The following PPP1R1C variants were observed in gnomAD, a reference collection of about 807,000 sequenced individuals.
PPP1R1C encodes the protein protein phosphatase 1 regulatory inhibitor subunit 1C.
PPP1R1C carries 15 observed loss-of-function variants against 17.4 expected under a neutral mutation model. The ratio of observed to expected loss-of-function variants is 0.86; its 90% CI spans 0.58 to 1.33. PPP1R1C has a LOEUF of 1.33. Ranked by LOEUF, PPP1R1C falls within the 40% of genes most tolerant of loss-of-function variation. The probability of loss-of-function intolerance (pLI) is 0.00; values close to 1 mark genes in which losing one functional copy is unlikely to be tolerated. For missense variants in PPP1R1C, 143 were observed against 130.0 expected, an observed-to-expected ratio of 1.10 and a Z score of -0.48; for synonymous variants, 35 against 43.1, an observed-to-expected ratio of 0.81 and a Z score of 0.73.
At chr2:182,106,906 G>A (rs151167483) in intron 4 of PPP1R1C, among the ~76,000 whole-genome samples, 2 of 152,236 alleles carry the variant, frequency 1.3e-5, no homozygotes, top group African/African-American at 4.8e-5. Flanking sequence ...GACACCAGAA[G>A]AAGCAAGCCA....
intron 4 of PPP1R1C, among the ~76,000 whole-genome samples, chr2:182,074,041 CTTTTT>C (rs554848749): frequency 7.6e-6 from 1 of 131,152 alleles, no homozygotes; most frequent in Non-Finnish European, 1.6e-5. Flanking sequence ...AATTCTTCTT[CTTTTT>C]TTTTTTTTTT....
intron 2 of PPP1R1C, among the ~76,000 whole-genome samples, chr2:182,052,053 C>G (rs922986288): frequency 4.0e-5 from 6 of 151,442 alleles, no homozygotes; most frequent in Non-Finnish European, 8.8e-5. Context: ...ATATTTTTGA[C>G]AAAATTATTA....
upstream of PPP1R1C, among the ~76,000 whole-genome samples, chr2:181,980,935 T>G (rs185866738): frequency 6.9e-3 from 1,036 of 151,024 alleles, 9 homozygotes; most frequent in African/African-American, 0.024. Context: ...AAGTTTTTTT[T>G]TTTTTTTTTT....
intron 2 of PPP1R1C, among the ~76,000 whole-genome samples, chr2:182,032,280 T>G (rs1436476252): frequency 2.0e-5 from 3 of 152,206 alleles, no homozygotes; most frequent in African/African-American, 7.2e-5. Flanking sequence ...TAGACGTGGT[T>G]AACTTTTTCA....
At position 181,957,978 on chromosome 2, in the gene PPP1R1C, GA is replaced by G. The variant is rs1368843145; in HGVS notation, n.111+3347del. Among the ~76,000 whole-genome samples the G allele has an allele frequency of 3.3e-5, 5 of 152,200 alleles. No homozygotes were observed. Among genetic ancestry groups the G allele is most frequent in the African/African-American group, 1.2e-4 (5 of 41,438 alleles). The stretch of plus-strand genomic sequence containing the variant: ...TTCCTAAGAGGGACTGAGTAATAAT[GA>G]AAGTAGATTGAAGTATTTTGAAGGG... On this transcript the variant is annotated intron_variant and non_coding_transcript_variant, in intron 1 of 5. Coordinates refer to the PPP1R1C transcript ENST00000464264. The surrounding 1 kb of genome is among the most constrained non-coding windows in gnomAD (Gnocchi z 4.2).
At chr2:181,968,642 C>T (rs904977827) in intron 1 of PPP1R1C, among the ~76,000 whole-genome samples, 5 of 151,948 alleles carry the variant, frequency 3.3e-5, no homozygotes, top group African/African-American at 7.3e-5. Context: ...TTTTGTGATC[C>T]GTTCAGCCAC....
downstream of PPP1R1C, chr2:182,117,890 C>T (rs1389322244): frequency 6.6e-6 from 1 of 152,150 alleles, no homozygotes; most frequent in Non-Finnish European, 1.5e-5. Context: ...ACCAACAACA[C>T]ATTAATGGTT....
chr2:182,048,389 G>C (rs989997061), intron 2 of PPP1R1C, among the ~76,000 whole-genome samples: 1 of 152,200 alleles, frequency 6.6e-6, no homozygotes, highest in African/African-American at 2.4e-5. Flanking sequence ...AGTTTGATAA[G>C]TCAGGAAGAC....
intron 2 of PPP1R1C, among the ~76,000 whole-genome samples, chr2:182,002,927 A>ACCCCCC (rs200353111): frequency 4.4e-5 from 4 of 90,918 alleles, no homozygotes; most frequent in Admixed American, 1.1e-4. Flanking sequence ...GATGCCATAA[A>ACCCCCC]CCTCCCCCCC....
Position 182,117,131 on chromosome 2 carries a change from TTA to T in PPP1R1C, c.242-74_242-73del, listed in dbSNP as rs142283524. On this transcript the variant is annotated intron_variant, in intron 4 of 4. Transcript: ENST00000682840. ...AAATGAAAACTTTGCACTCTTTTCT[TTA>T]TCTTTTGCAGCAAAGCGGTTAATAT... 0.014 allele frequency: 14,664 copies of T among 1,039,388 alleles called. 790 individuals are homozygous for T. The Admixed American group carries it at 0.16, about 11-fold the overall frequency. 64.4% of individuals were successfully genotyped at this position (1,039,388 alleles called of 1,614,324 possible). A position where few individuals can be genotyped will look rare whatever the true frequency, so the allele number is the denominator to read the frequency against.
chr2:181,998,469 G>T (rs80155935), intron 2 of PPP1R1C, among the ~76,000 whole-genome samples: 2 of 152,114 alleles, frequency 1.3e-5, no homozygotes, highest in African/African-American at 4.8e-5. Flanking sequence ...ATAGCTCATC[G>T]ATTTCATCAT....
chr2:181,965,804 A>AT (rs1684896215), intron 1 of PPP1R1C, among the ~76,000 whole-genome samples: 8 of 152,148 alleles, frequency 5.3e-5, no homozygotes, highest in Non-Finnish European at 8.8e-5. Context: ...GTGGTTCCAT[A>AT]TAAATTTTGG....
At chr2:181,973,561 G>A (rs1685048075) in intron 1 of PPP1R1C, among the ~76,000 whole-genome samples, 1 of 152,158 alleles carries the variant, frequency 6.6e-6, no homozygotes, top group African/African-American at 2.4e-5. Flanking sequence ...ACAGGAGAGA[G>A]CTATTTGTCA....
At chr2:182,123,423 T>A (rs149793772) in intron 5 of PPP1R1C, among the ~76,000 whole-genome samples, 2,588 of 152,284 alleles carry the variant, frequency 0.017, 38 homozygotes, top group South Asian at 0.058. Context: ...TTGAGAAATC[T>A]CCACACTGTC....
chr2:182,019,278 C>T (rs1686346018), intron 2 of PPP1R1C, among the ~76,000 whole-genome samples: 1 of 152,150 alleles, frequency 6.6e-6, no homozygotes, highest in African/African-American at 2.4e-5. Flanking sequence ...GTAGCCATTA[C>T]CTGCTAATGT....
intron 5 of PPP1R1C, among the ~76,000 whole-genome samples, chr2:182,127,586 T>C (rs1689905629): frequency 6.6e-6 from 1 of 151,992 alleles, no homozygotes; most frequent in African/African-American, 2.4e-5. Context: ...TCGGTCCAAG[T>C]AGAAAGAACA....
At chr2:182,009,749 A>T (rs1345414997) in intron 2 of PPP1R1C, among the ~76,000 whole-genome samples, 2 of 151,968 alleles carry the variant, frequency 1.3e-5, no homozygotes, top group African/African-American at 2.4e-5. Context: ...TAGTTTCATA[A>T]TTTGAGGTCT....
intron 2 of PPP1R1C, among the ~76,000 whole-genome samples, chr2:181,990,386 GCCCGCCTCGGCCT>G (rs1295258130): frequency 6.6e-6 from 1 of 151,746 alleles, no homozygotes; most frequent in Non-Finnish European, 1.5e-5. Context: ...CTCGCTATCC[GCCCGCCTCGGCCT>G]CCCTAAGGGC....
intron 2 of PPP1R1C, among the ~76,000 whole-genome samples, chr2:182,014,449 C>T (rs1184062353): frequency 6.6e-6 from 1 of 151,912 alleles, no homozygotes; most frequent in African/African-American, 2.4e-5. Flanking sequence ...AGAAGTGATG[C>T]AGGCGTCGTG....
Sources: allele counts gnomAD v4.1 joint callset (sites outside exome capture counted in the v4.1 genomes callset), GRCh38; gene constraint gnomAD v4.1.1; non-coding constraint Gnocchi (gnomAD v3.1); transcripts MANE v1.5; gene names NCBI Gene and HGNC (gene_info 2026-07-23, HGNC 2026-07-21).